DAB1: variants seen among roughly 807,000 people sequenced by gnomAD.
DAB1 encodes disabled homolog 1.
A neutral mutation model predicts 64.6 loss-of-function variants in DAB1; 15 were observed. The ratio of observed to expected loss-of-function variants is 0.23; its 90% CI spans 0.16 to 0.36. DAB1 has a LOEUF of 0.36. DAB1 is among the 10% of genes least tolerant of loss of function. DAB1 has a pLI of 1.00. For synonymous variants in DAB1, 235 were observed against 251.9 expected (o/e 0.93, Z 0.64); for missense variants, 596 against 706.7 (o/e 0.84, Z 1.78).
At chr1:57,677,962 G>A (rs772612183) in intron 6 of DAB1, among the ~76,000 whole-genome samples, 13 of 152,136 alleles carry the variant, frequency 8.5e-5, no homozygotes, top group South Asian at 2.1e-4. Context: ...TCAGCTACAC[G>A]TTGGAATCAT....
intron 2 of DAB1, among the ~76,000 whole-genome samples, chr1:57,157,353 C>A (rs1160313248): frequency 6.6e-6 from 1 of 152,122 alleles, no homozygotes; most frequent in African/African-American, 2.4e-5. Flanking sequence ...ACTTAAACAT[C>A]TAAGGAGATG....
chr1:57,774,712 TA>T (rs1222917132), intron 6 of DAB1, among the ~76,000 whole-genome samples: 2 of 151,824 alleles, frequency 1.3e-5, no homozygotes, highest in Non-Finnish European at 3.0e-5. Context: ...TTATGTTGAT[TA>T]ATTTTCAAAT....
intron 7 of DAB1, among the ~76,000 whole-genome samples, chr1:57,546,208 T>C (rs1644855274): frequency 6.6e-6 from 1 of 151,996 alleles, no homozygotes; most frequent in Non-Finnish European, 1.5e-5. Context: ...AAAACAGTCA[T>C]GGAAACAAAG....
intron 4 of DAB1, among the ~76,000 whole-genome samples, chr1:57,104,959 A>T (rs1655008236): frequency 6.6e-6 from 1 of 152,086 alleles, no homozygotes; most frequent in African/African-American, 2.4e-5. Flanking sequence ...CTGCCCTTGA[A>T]TTCTAAGCCT....
chr1:57,940,918 A>G (rs2102051444), intron 5 of DAB1, among the ~76,000 whole-genome samples: 1 of 152,352 alleles, frequency 6.6e-6, no homozygotes, highest in South Asian at 2.1e-4. Context: ...TGGGGAGAAA[A>G]AAACCCTAGC....
intron 4 of DAB1, among the ~76,000 whole-genome samples, chr1:58,336,894 G>T (rs1663130178): frequency 6.6e-6 from 1 of 152,162 alleles, no homozygotes; most frequent in African/African-American, 2.4e-5. Context: ...GCCCAGATCT[G>T]GGCCCAACAC....
At chr1:57,614,156 GC>G (rs1466556811) in intron 7 of DAB1, among the ~76,000 whole-genome samples, 1 of 152,174 alleles carries the variant, frequency 6.6e-6, no homozygotes, top group Non-Finnish European at 1.5e-5. Context: ...GGAAATGAGG[GC>G]CCTGGTGTGC....
intron 4 of DAB1, among the ~76,000 whole-genome samples, chr1:58,219,352 C>T (rs1437549507): frequency 6.6e-6 from 1 of 152,120 alleles, no homozygotes; most frequent in Non-Finnish European, 1.5e-5. Flanking sequence ...GAAGACTCAT[C>T]CACATCTCCA....
chr1:58,441,822 G>A (rs997703776), intron 3 of DAB1, among the ~76,000 whole-genome samples: 2 of 152,152 alleles, frequency 1.3e-5, no homozygotes, highest in African/African-American at 4.8e-5. Flanking sequence ...TCCTCACTGG[G>A]AACAAGAGGA....
chr1:57,612,218 T>TGTGTGTGTGTGCATGTGTGTGC (rs952589739), intron 7 of DAB1, among the ~76,000 whole-genome samples: 1 of 151,728 alleles, frequency 6.6e-6, no homozygotes, highest in African/African-American at 2.4e-5. Flanking sequence ...TGTGTGTGTG[T>TGTGTGTGTGTGCATGTGTGTGC]GCATGTGTGT....
chr1:57,398,584 C>T (rs1248975933), intron 1 of DAB1, among the ~76,000 whole-genome samples: 1 of 152,172 alleles, frequency 6.6e-6, no homozygotes, highest in Non-Finnish European at 1.5e-5. Flanking sequence ...TCTCCCTATC[C>T]AGAAATAGTT....
chr1:57,431,143 CAAA>C (rs77701798), intron 7 of DAB1, among the ~76,000 whole-genome samples: 1 of 96,402 alleles, frequency 1.0e-5, no homozygotes. Flanking sequence ...AGGCCAAAAA[CAAA>C]AAAAAAAAAA....
chr1:58,186,152 C>A (rs937096357), intron 4 of DAB1, among the ~76,000 whole-genome samples: 2 of 152,176 alleles, frequency 1.3e-5, no homozygotes, highest in African/African-American at 4.8e-5. Flanking sequence ...ACTAGTAAGA[C>A]TTCTGGTTCT....
At chr1:57,887,908 G>A (rs1005284849), upstream of DAB1, among the ~76,000 whole-genome samples, 11 of 152,276 alleles carry the variant, frequency 7.2e-5, no homozygotes, top group African/African-American at 2.6e-4. Flanking sequence ...AATTAAATGT[G>A]CGGGTGTCTC....
chr1:57,622,932 T>C (rs1645878237), intron 7 of DAB1, among the ~76,000 whole-genome samples: 2 of 152,356 alleles, frequency 1.3e-5, no homozygotes, highest in South Asian at 4.1e-4. Flanking sequence ...CCAGAAGTTG[T>C]GCTTCCATGA....
intron 2 of DAB1, among the ~76,000 whole-genome samples, chr1:57,153,924 C>T (rs1332574385): frequency 2.0e-5 from 3 of 152,160 alleles, no homozygotes; most frequent in Non-Finnish European, 4.4e-5. Context: ...CAGGCATGAG[C>T]CACCACCCCT....
At chr1:57,445,480 T>G (rs1206553726) in intron 7 of DAB1, among the ~76,000 whole-genome samples, 3 of 152,166 alleles carry the variant, frequency 2.0e-5, no homozygotes, top group African/African-American at 7.2e-5. Flanking sequence ...TTAGAATCAT[T>G]TGGTACATTG....
At chr1:58,064,146 T>C (rs1015505155) in intron 5 of DAB1, among the ~76,000 whole-genome samples, 10 of 152,142 alleles carry the variant, frequency 6.6e-5, no homozygotes, top group East Asian at 3.9e-4. Flanking sequence ...TATAGAGATA[T>C]GAGATAGGGA....
chr1:57,437,320 C>A (rs1685733468), intron 7 of DAB1, among the ~76,000 whole-genome samples: 1 of 152,124 alleles, frequency 6.6e-6, no homozygotes, highest in South Asian at 2.1e-4. Flanking sequence ...TATAGGGCTA[C>A]ATGATTGAAT....
Sources: allele counts gnomAD v4.1 joint callset (sites outside exome capture counted in the v4.1 genomes callset), GRCh38; gene constraint gnomAD v4.1.1; transcripts MANE v1.5; gene names NCBI Gene and HGNC (gene_info 2026-07-23, HGNC 2026-07-21).